Variants in TBC1D32 observed in about 807,000 individuals in gnomAD.
TBC1D32 encodes the protein protein broad-minded.
Under a neutral mutation model 170.3 loss-of-function variants are expected in TBC1D32, and 151 were observed. That is an observed-to-expected ratio of 0.89 (90% CI 0.78 to 1.01). TBC1D32 has a LOEUF of 1.01. TBC1D32 is among the 50% of genes least tolerant of loss of function. TBC1D32 has a pLI of 0.00. For synonymous variants in TBC1D32, 498 were observed against 488.0 expected (o/e 1.02, Z -0.27); for missense variants, 1,464 against 1,457.1 (o/e 1.00, Z -0.08).
At chr6:121,149,170 T>C (rs114883909) in intron 24 of TBC1D32, among the ~76,000 whole-genome samples, 1,893 of 152,304 alleles carry the variant, frequency 0.012, 38 homozygotes, top group African/African-American at 0.043. Context: ...CGTTGTCAGA[T>C]GGATAGATTG....
chr6:121,175,287 G>C (rs1422852771), intron 22 of TBC1D32, among the ~76,000 whole-genome samples: 1 of 152,146 alleles, frequency 6.6e-6, no homozygotes, highest in African/African-American at 2.4e-5. Context: ...GAGGTCTACA[G>C]GATCTGGATG....
At chr6:121,217,706 C>T (rs1355927826) in intron 21 of TBC1D32, among the ~76,000 whole-genome samples, 1 of 151,996 alleles carries the variant, frequency 6.6e-6, no homozygotes, top group Admixed American at 6.6e-5. Context: ...AGGCTTAGTA[C>T]CTGGGTGATG....
rs146820305 is a variant in TBC1D32, at chr6:121,309,572, G to A, written c.564+1207C>T. On this transcript the variant is annotated intron_variant, in intron 4 of 31. Coordinates refer to ENST00000398212, the MANE Select transcript of TBC1D32 (RefSeq NM_152730.6). ...AAATTGAGACCAAATGGCAAGATAC[G>A]CATACCAATACATAAAAAGGCTTAG... Among the ~76,000 whole-genome samples, 521 of 151,706 alleles carry A rather than the reference G, an allele frequency of 3.4e-3. 4 individuals are homozygous for A. The highest frequency in any genetic ancestry group is 0.012 in the African/African-American group (494 of 41,366).
intron 17 of TBC1D32, among the ~76,000 whole-genome samples, chr6:121,247,695 C>CAAAAAAAAAAAAAAAAAAAAAAAA (rs34914027): frequency 4.3e-5 from 2 of 46,564 alleles, no homozygotes; most frequent in African/African-American, 1.0e-4. Context: ...GGCTTTAAAG[C>CAAAAAAAAAAAAAAAAAAAAAAAA]AAAAAAAAAA....
intron 12 of TBC1D32, among the ~76,000 whole-genome samples, chr6:121,290,171 C>G (rs1232908282): frequency 6.6e-6 from 1 of 152,106 alleles, no homozygotes; most frequent in African/African-American, 2.4e-5. Context: ...AGCTAAAGAG[C>G]TTCTGCACAG....
chr6:121,246,079 T>G (rs1170653813), intron 17 of TBC1D32, among the ~76,000 whole-genome samples: 2 of 152,146 alleles, frequency 1.3e-5, no homozygotes, highest in Non-Finnish European at 2.9e-5. Flanking sequence ...CCTATTAACC[T>G]GAAGCCCAAA....
At chr6:121,119,830 T>A (rs934834770) in intron 26 of TBC1D32, among the ~76,000 whole-genome samples, 7 of 152,092 alleles carry the variant, frequency 4.6e-5, no homozygotes, top group Admixed American at 3.3e-4. Context: ...TAACAACAGA[T>A]GGATGATTGT....
At chr6:121,096,283 AC>A (rs1255008079) in intron 30 of TBC1D32, 1 of 151,538 alleles carries the variant, frequency 6.6e-6, no homozygotes, top group Non-Finnish European at 1.5e-5. Flanking sequence ...GTGATACTGT[AC>A]ATTTAGAAAA....
intron 9 of TBC1D32, among the ~76,000 whole-genome samples, chr6:121,301,832 G>C (rs1377479321): frequency 6.6e-6 from 1 of 151,140 alleles, no homozygotes; most frequent in African/African-American, 2.4e-5. Context: ...GTTTTGCTAT[G>C]TTGGCCAAGC....
intron 24 of TBC1D32, among the ~76,000 whole-genome samples, chr6:121,148,727 C>A (rs990409918): frequency 6.6e-6 from 1 of 152,096 alleles, no homozygotes; most frequent in Non-Finnish European, 1.5e-5. Flanking sequence ...AATTCTCCTG[C>A]CTCAGCCTCC....
At chr6:121,245,657 G>A (rs1797502040) in intron 17 of TBC1D32, among the ~76,000 whole-genome samples, 1 of 152,062 alleles carries the variant, frequency 6.6e-6, no homozygotes, top group Non-Finnish European at 1.5e-5. Context: ...CATGGGAACG[G>A]AGCATGGATG....
chr6:121,100,265 T>G (rs1290010945), intron 30 of TBC1D32, among the ~76,000 whole-genome samples: 1 of 152,020 alleles, frequency 6.6e-6, no homozygotes, highest in African/African-American at 2.4e-5. Flanking sequence ...TGGAGAGTTC[T>G]GTAGATGTCT....
chr6:121,082,380 CA>C (rs1775726182), intron 31 of TBC1D32, among the ~76,000 whole-genome samples: 1 of 152,060 alleles, frequency 6.6e-6, no homozygotes, highest in Non-Finnish European at 1.5e-5. Context: ...TCATTTTAAA[CA>C]GTTATTGTTA....
rs144246031 is a variant in TBC1D32, at chr6:121,266,035, G to A, written c.1734-9750C>T. Among the ~76,000 whole-genome samples, 1,361 of 151,944 alleles carry A rather than the reference G, an allele frequency of 9.0e-3. 24 individuals carry two copies. The highest frequency in any genetic ancestry group is 0.031 in the African/African-American group (1,272 of 41,480). On this transcript the variant is annotated intron_variant, in intron 15 of 31. Transcript: ENST00000398212. ...TGAGCAAAGATTTTATGATGAAATCGCAAAAAGCAATTGCAACAAAAGCTA... is the reference window on the plus strand; with the variant it reads ...TGAGCAAAGATTTTATGATGAAATCACAAAAAGCAATTGCAACAAAAGCTA...
intron 21 of TBC1D32, among the ~76,000 whole-genome samples, chr6:121,212,025 A>G (rs1046664091): frequency 1.8e-4 from 25 of 137,506 alleles, no homozygotes; most frequent in Admixed American, 7.1e-5. Flanking sequence ...ACACACACAC[A>G]CACGACAAAA....
intron 30 of TBC1D32, 52 bp downstream of exon 30, chr6:121,105,971 T>G: frequency 6.8e-7 from 1 of 1,473,614 alleles, no homozygotes; most frequent in Non-Finnish European, 9.1e-7. Context: ...CAGTTTTATT[T>G]GAAGACACTG....
At chr6:121,092,296 T>TG in intron 30 of TBC1D32, among the ~76,000 whole-genome samples, 1 of 72,072 alleles carries the variant, frequency 1.4e-5, no homozygotes, top group Non-Finnish European at 2.1e-5. Context: ...GTTTTATGTT[T>TG]TTTTTTTTTT....
Position 121,141,239 on chromosome 6 carries a change from T to TCTCC in TBC1D32, c.2774-9488_2774-9487insGGAG, listed in dbSNP as rs547390898. 9.3e-4 allele frequency among the ~76,000 whole-genome samples: 141 copies of TCTCC among 152,256 alleles called. 2 individuals are homozygous for TCTCC. In the South Asian group the frequency reaches 0.029, roughly 31 times the overall value. On this transcript the variant is annotated intron_variant, in intron 24 of 31. Transcript: ENST00000398212. ...AAATATATTTTAGATAAGGTGGAGA[T>TCTCC]AACTTCTCTGAAGAAGTGACATTTA...
intron 22 of TBC1D32, among the ~76,000 whole-genome samples, chr6:121,195,397 G>A (rs1258814873): frequency 6.6e-6 from 1 of 152,184 alleles, no homozygotes; most frequent in African/African-American, 2.4e-5. Flanking sequence ...CTACTTCTGA[G>A]AGACAGCTCT....
Sources: allele counts gnomAD v4.1 joint callset (sites outside exome capture counted in the v4.1 genomes callset), GRCh38; gene constraint gnomAD v4.1.1; transcripts MANE v1.5; gene names NCBI Gene and HGNC (gene_info 2026-07-23, HGNC 2026-07-21).